Variants in SARDH observed in about 807,000 individuals in gnomAD.
SARDH encodes the protein sarcosine dehydrogenase.
SARDH carries 95 observed loss-of-function variants against 109.1 expected under a neutral mutation model. The observed-to-expected ratio is 0.87, with a 90% CI of 0.74 to 1.03. SARDH has a LOEUF of 1.03. Among genes scored for constraint, SARDH ranks in the 50% least tolerant of loss-of-function variants. The probability of loss-of-function intolerance (pLI) is 0.00; values close to 1 mark genes in which losing one functional copy is unlikely to be tolerated. For synonymous variants in SARDH, 572 were observed against 534.8 expected, an observed-to-expected ratio of 1.07 and a Z score of -0.96; for missense variants, 1,267 against 1,287.8, an observed-to-expected ratio of 0.98 and a Z score of 0.25.
chr9:133,674,434 G>A (rs1309987180), intron 17 of SARDH, among the ~76,000 whole-genome samples: 2 of 152,224 alleles, frequency 1.3e-5, no homozygotes, highest in Non-Finnish European at 2.9e-5. Context: ...TCCTGGCCGT[G>A]GATGGAGTCA....
intron 7 of SARDH, among the ~76,000 whole-genome samples, 168 bp from the exon 8 acceptor site, chr9:133,717,623 A>G (rs1387513045): frequency 6.6e-6 from 1 of 150,726 alleles, no homozygotes; most frequent in Non-Finnish European, 1.5e-5. Context: ...CCACCCACCA[A>G]CCCATCAGCA....
Position 133,712,727 on chromosome 9 carries a change from G to T in SARDH, c.1238-18C>A, listed in dbSNP as rs148450775. On this transcript the variant is annotated intron_variant, in intron 9 of 20. Coordinates refer to ENST00000439388, the MANE Select transcript of SARDH (RefSeq NM_001134707.2). The surrounding 1 kb of genome is among the most constrained non-coding windows in gnomAD (Gnocchi z 4.1). ...CATCATTCCTGGCAGGAAGAGAAGC[G>T]CAGGGCTGCGGTCTGCCCCCCAGGG... 1.2e-6 allele frequency: 2 copies of T among 1,603,074 alleles called. No individual in the cohort carries two copies. The highest frequency in any genetic ancestry group is 1.1e-5 in the South Asian group (1 of 91,016).
intron 6 of SARDH, among the ~76,000 whole-genome samples, chr9:133,721,803 A>G (rs1832335067): frequency 6.6e-6 from 1 of 152,228 alleles, no homozygotes. Flanking sequence ...TGAATCCAGC[A>G]ATATATAAGA....
At chr9:133,735,676 G>T (rs1832859796) in intron 1 of SARDH, among the ~76,000 whole-genome samples, 1 of 152,206 alleles carries the variant, frequency 6.6e-6, no homozygotes, top group Admixed American at 6.5e-5. Context: ...TGTGCACATT[G>T]ATTTTACCTG....
chr9:133,701,527 C>T (rs1377294777), intron 13 of SARDH, among the ~76,000 whole-genome samples: 1 of 152,264 alleles, frequency 6.6e-6, no homozygotes, highest in African/African-American at 2.4e-5. Context: ...TTTAGGACGG[C>T]TTCAGGCGCG....
rs181825734 is a variant in SARDH, at chr9:133,686,180, G to A, written c.2070-894C>T. On this transcript the variant is annotated intron_variant, in intron 16 of 20. Coordinates refer to ENST00000439388, the MANE Select transcript of SARDH (RefSeq NM_001134707.2). The surrounding 1 kb of genome is among the most constrained non-coding windows in gnomAD (Gnocchi z 4.0). ...CCTGCTTTTAAGCTCTGCGAGGGTG[G>A]GGATTCGCTCCCCACTTTCCCTGCT... 1.7e-3 allele frequency among the ~76,000 whole-genome samples: 253 copies of A among 152,144 alleles called. No homozygotes were observed. The highest frequency in any genetic ancestry group is 5.9e-3 in the African/African-American group (244 of 41,496).
At chr9:133,707,055 A>G (rs940680465) in intron 11 of SARDH, among the ~76,000 whole-genome samples, 3 of 152,194 alleles carry the variant, frequency 2.0e-5, no homozygotes, top group African/African-American at 4.8e-5. Context: ...TCATCTCAAG[A>G]GCCCATTAAA....
intron 10 of SARDH, among the ~76,000 whole-genome samples, chr9:133,708,683 C>T (rs1188387860): frequency 6.6e-6 from 1 of 152,138 alleles, no homozygotes; most frequent in Non-Finnish European, 1.5e-5. Flanking sequence ...GGCTCTCATC[C>T]CCCACAGGGA....
chr9:133,715,520 C>T (rs908692807), intron 8 of SARDH, among the ~76,000 whole-genome samples: 3 of 152,188 alleles, frequency 2.0e-5, no homozygotes, highest in African/African-American at 7.2e-5. Context: ...CTGCACTTCA[C>T]TCCAAAGGCT....
At chr9:133,738,081 A>T (rs12376409) in intron 1 of SARDH, among the ~76,000 whole-genome samples, 173 bp downstream of exon 1, 23,084 of 152,022 alleles carry the variant, frequency 0.15, 1,842 homozygotes, top group Middle Eastern at 0.19. Flanking sequence ...GAGGAGCGGC[A>T]GGGGGCGGGG....
chr9:133,726,721 C>T (rs1243227714), intron 6 of SARDH, among the ~76,000 whole-genome samples: 1 of 152,210 alleles, frequency 6.6e-6, no homozygotes, highest in Non-Finnish European at 1.5e-5. Flanking sequence ...GACCTCAGCC[C>T]ATGCCTTCCA....
intron 6 of SARDH, among the ~76,000 whole-genome samples, chr9:133,727,225 C>T (rs921687351): frequency 6.6e-6 from 1 of 152,196 alleles, no homozygotes; most frequent in Non-Finnish European, 1.5e-5. Context: ...AGGACCCAGG[C>T]CTGGGACAGA....
At chr9:133,738,379 T>G, upstream of SARDH, 1 of 148,506 alleles carries the variant, frequency 6.7e-6, no homozygotes, top group Non-Finnish European at 1.5e-5. Context: ...CCACCCTCGC[T>G]GCCAGCCCCA....
At chr9:133,659,949 T>C (rs1832390947), downstream of SARDH, among the ~76,000 whole-genome samples, 1 of 152,040 alleles carries the variant, frequency 6.6e-6, no homozygotes, top group Non-Finnish European at 1.5e-5. Context: ...CCTGCCGATC[T>C]CGGGCAGGGA....
chr9:133,670,941 G>A (rs1467260264), intron 18 of SARDH, among the ~76,000 whole-genome samples, 189 bp from the exon 19 acceptor site: 3 of 152,100 alleles, frequency 2.0e-5, no homozygotes, highest in Admixed American at 6.5e-5. Context: ...CCGCTCCCCC[G>A]AGCAGACTGC....
rs1318762722 is a variant in SARDH at position 133,717,556 on chromosome 9, G to A, written c.1021-101C>T. 38 of 1,508,692 alleles carry A rather than the reference G, an allele frequency of 2.5e-5. No individual in the cohort carries two copies. The East Asian group carries it at 8.8e-4, about 35-fold the overall frequency. 93.5% of individuals were successfully genotyped at this position (1,508,692 alleles called of 1,614,324 possible). A position where few individuals can be genotyped will look rare whatever the true frequency, so the allele number is the denominator to read the frequency against. On this transcript the variant is annotated intron_variant, in intron 7 of 20. Coordinates refer to ENST00000439388, the MANE Select transcript of SARDH (RefSeq NM_001134707.2). Reference sequence around the variant, plus strand: ...GATGGCTGCCAGGCCAGCCTCTGCTGAATCAGATGCATTAGAGGGCTGGTG... The same window carrying A: ...GATGGCTGCCAGGCCAGCCTCTGCTAAATCAGATGCATTAGAGGGCTGGTG...
chr9:133,680,709 G>A (rs1830667432), intron 17 of SARDH, among the ~76,000 whole-genome samples: 1 of 152,188 alleles, frequency 6.6e-6, no homozygotes, highest in African/African-American at 2.4e-5. Context: ...GCAACTTCAA[G>A]CTCCTGAGGG....
At chr9:133,719,552 G>C (rs1343346676) in intron 6 of SARDH, among the ~76,000 whole-genome samples, 1 of 152,116 alleles carries the variant, frequency 6.6e-6, no homozygotes, top group East Asian at 1.9e-4. Context: ...TGATGCGCTT[G>C]CTCATGTATG....
intron 16 of SARDH, among the ~76,000 whole-genome samples, chr9:133,685,991 C>T (rs1367213459): frequency 1.3e-5 from 2 of 152,158 alleles, no homozygotes; most frequent in African/African-American, 4.8e-5. Context: ...CTGGGCTTAG[C>T]ACCCAGCAGG....
Sources: gnomAD v4.1 joint callset for allele counts (sites outside exome capture counted in the v4.1 genomes callset) on GRCh38, gnomAD v4.1.1 for gene constraint, Gnocchi (gnomAD v3.1) non-coding constraint, MANE v1.5 for transcripts, NCBI Gene and HGNC (gene_info 2026-07-23, HGNC 2026-07-21) for gene names.